THBS3: variants seen among roughly 807,000 people sequenced by gnomAD.
THBS3 encodes thrombospondin 3, also known as thrombospondin-3.
THBS3 carries 78 observed loss-of-function variants against 118.3 expected under a neutral mutation model. The observed-to-expected ratio is 0.66, with a 90% CI of 0.55 to 0.80. The LOEUF (loss-of-function observed/expected upper bound fraction) is 0.80, where lower values mean the gene tolerates loss of function less well. THBS3 is among the 30% of genes least tolerant of loss of function. THBS3 has a pLI of 0.00. For synonymous variants in THBS3, 427 were observed against 475.3 expected, an observed-to-expected ratio of 0.90 and a Z score of 1.32; for missense variants, 1,057 against 1,247.4, an observed-to-expected ratio of 0.85 and a Z score of 2.30.
intron 21 of THBS3, chr1:155,196,352 C>A: frequency 3.5e-6 from 2 of 569,380 alleles, no homozygotes; most frequent in Non-Finnish European, 6.2e-6. Context: ...CTCAAAGCAC[C>A]AGCCGCATTC....
chr1:155,208,711 G>A, upstream of THBS3: 3 of 619,174 alleles, frequency 4.8e-6, no homozygotes, highest in Non-Finnish European at 7.0e-6. Flanking sequence ...GCCCCAGCCC[G>A]GCCTCCGCTC....
chr1:155,209,159 G>C, upstream of THBS3: 1 of 1,503,408 alleles, frequency 6.7e-7, no homozygotes, highest in Non-Finnish European at 8.9e-7. Flanking sequence ...CCCCCTGACC[G>C]CAACGATCGG....
upstream of THBS3, chr1:155,208,582 G>A: frequency 7.6e-6 from 4 of 527,714 alleles, no homozygotes; most frequent in South Asian, 1.2e-4. Context: ...CCAAGGACCA[G>A]ACTGTGGAAC....
upstream of THBS3, chr1:155,207,999 G>C (rs1441093314): frequency 3.5e-4 from 171 of 482,332 alleles, 2 homozygotes; most frequent in South Asian, 3.1e-3. Context: ...AGGCGGGTGA[G>C]GGGGGGCTGA....
At chr1:155,209,072 G>T (rs1474630243), upstream of THBS3, 2 of 1,538,644 alleles carry the variant, frequency 1.3e-6, no homozygotes, top group African/African-American at 2.8e-5. Context: ...CTCCCCCGAG[G>T]CCCGCGGCCC....
chr1:155,200,781 C>A, intron 13 of THBS3, 116 bp downstream of exon 13: 5 of 1,589,564 alleles, frequency 3.1e-6, no homozygotes, highest in Non-Finnish European at 4.3e-6. Flanking sequence ...GTTTTTGCCT[C>A]CCTGATTTGG....
chr1:155,200,028 G>A lies in THBS3; in HGVS notation c.1794C>T (p.Cys598=), dbSNP rs748778389. The part of the protein sequence containing the change: ...DRDEDGVGDA[C]DSCPEMSNPT... ...GATTGCTCATTTCAGGGCAGCTGTC[G>A]CAAGCATCTCCCACCCCGTCCTCAT... is the stretch of plus-strand genomic sequence containing the variant. The change falls in exon 15 of 23, where the codon TGC becomes TGT. Residue 598 remains cysteine (C), a synonymous_variant. Transcript: ENST00000368378. 24 of 1,602,046 alleles carry A rather than the reference G, an allele frequency of 1.5e-5. No homozygotes were observed. Among genetic ancestry groups the A allele is most frequent in the Admixed American group, 3.4e-5 (2 of 58,714 alleles).
At chr1:155,200,230 G>A (rs189396332) in intron 14 of THBS3, 117 bp from the exon 15 acceptor site, 13 of 1,089,894 alleles carry the variant, frequency 1.2e-5, no homozygotes, top group Non-Finnish European at 1.7e-5. Context: ...CAGGAAATCT[G>A]CCTGTTTCTT....
Position 155,204,318 on chromosome 1 carries a change from G to A in THBS3, c.646+537C>T, listed in dbSNP as rs111452447. ...AAAGACTCGAGACCAGGCCGGGCGCGGTGGCTTACGCCTGTAATCCCAGCA... is the reference window on the plus strand; with the variant it reads ...AAAGACTCGAGACCAGGCCGGGCGCAGTGGCTTACGCCTGTAATCCCAGCA... On this transcript the variant is annotated intron_variant, in intron 4 of 22. Transcript: ENST00000368378. Among the ~76,000 whole-genome samples the A allele has an allele frequency of 9.9e-5, 15 of 152,176 alleles. 2 individuals carry two copies. Among genetic ancestry groups the A allele is most frequent in the African/African-American group, 2.6e-4 (11 of 41,512 alleles).
rs995109734 is a variant in THBS3, at chr1:155,197,149, G to A, written c.2564C>T (p.Thr855Ile). The A allele has an allele frequency of 3.1e-6, 5 of 1,614,092 alleles. No homozygotes were observed. The Admixed American group carries it at 5.0e-5, about 16-fold the overall frequency. The change falls in exon 21 of 23, where the codon ACC (threonine) becomes ATC (isoleucine). Residue 855 changes from threonine to isoleucine, a missense_variant. This residue lies in a region of THBS3 where 307 missense variants were observed against 326.1 expected (regional missense o/e 0.94). Coordinates refer to ENST00000368378, the MANE Select transcript of THBS3 (RefSeq NM_007112.5). The surrounding 1 kb of genome is among the most constrained non-coding windows in gnomAD (Gnocchi z 5.0). The part of the protein sequence containing the change: ...LRNALWHTGH[T>I]PDQVRLLWTD... ...CCACAGCAGTCGTACCTGATCAGGG[G>A]TGTGGCCAGTATGCCACAGGGCATT...
chr1:155,202,199 C>T lies in THBS3; in HGVS notation c.1098+62G>A. 1 of 1,595,954 alleles carries T rather than the reference C, an allele frequency of 6.3e-7. No individual in the cohort carries two copies. Among genetic ancestry groups the T allele is most frequent in the Non-Finnish European group, 8.6e-7 (1 of 1,169,524 alleles). On this transcript the variant is annotated intron_variant, in intron 9 of 22. Coordinates refer to ENST00000368378, the MANE Select transcript of THBS3 (RefSeq NM_007112.5). The surrounding 1 kb of genome is among the most constrained non-coding windows in gnomAD (Gnocchi z 5.5). ...TCATCACAAGGGTCCCATGTCCAAC[C>T]CAGAAGCCCCTGGCCTCTACAAGGC...
rs773318635 is a variant in THBS3 at position 155,204,822 on chromosome 1, G to T, written c.646+33C>A. 8.2e-6 allele frequency: 13 copies of T among 1,590,602 alleles called. No homozygotes were observed. The East Asian group carries it at 2.9e-4, about 36-fold the overall frequency. ...AGTCACCAAAGGCCACAGGATCCGT[G>T]GTCCAATGTCAGCAAACAAGTCTCT... is the stretch of plus-strand genomic sequence containing the variant. On this transcript the variant is annotated intron_variant, in intron 4 of 22. Coordinates refer to ENST00000368378, the MANE Select transcript of THBS3 (RefSeq NM_007112.5).
upstream of THBS3, chr1:155,208,611 C>T (rs1670875785): frequency 3.4e-6 from 2 of 596,212 alleles, no homozygotes; most frequent in Non-Finnish European, 2.8e-6. Flanking sequence ...TACTAGCGGA[C>T]GGGCCGTGAC....
chr1:155,196,077 T>C lies in THBS3; in HGVS notation c.2722A>G (p.Ile908Val). 6.2e-7 allele frequency: 1 copy of C among 1,614,158 alleles called. No homozygotes were observed. Among genetic ancestry groups the C allele is most frequent in the Non-Finnish European group, 8.5e-7 (1 of 1,180,032 alleles). Residue 908 changes from isoleucine to valine, a missense_variant, in exon 22 of 23, where the codon ATT (isoleucine) becomes GTT (valine). Ile to Val is a conservative substitution (Grantham distance 29, BLOSUM62 3). Around this residue, in one of 3 missense-constraint regions of THBS3, gnomAD observed 307 missense variants for 326.1 expected, o/e 0.94. Transcript: ENST00000368378. ...PQLVADSGVI[I>V]DTSMRGGRLG... ...CGCCCCCCTCGCATGGATGTGTCAATGATCACCCCAGAATCCGCCACAAGC... is the reference window on the plus strand; with the variant it reads ...CGCCCCCCTCGCATGGATGTGTCAACGATCACCCCAGAATCCGCCACAAGC...
At chr1:155,201,844 G>A (rs1268895213) in intron 10 of THBS3, 113 bp downstream of exon 10, 2 of 1,468,566 alleles carry the variant, frequency 1.4e-6, no homozygotes, top group Non-Finnish European at 1.9e-6. Flanking sequence ...CCTAATCTGT[G>A]TAGTGCCCTG....
rs772669775 is a variant in THBS3 at position 155,202,623 on chromosome 1, C to T, written c.957+189G>A. Among the ~76,000 whole-genome samples, 4 of 152,208 alleles carry T rather than the reference C, an allele frequency of 2.6e-5. No homozygotes were observed. Among genetic ancestry groups the T allele is most frequent in the Non-Finnish European group, 5.9e-5 (4 of 68,042 alleles). ...GCCTCCCCTGCAGTTTCCCCAGCTC[C>T]TTCCCTGTATGGCCTTCAGTCTTTG... is the stretch of plus-strand genomic sequence containing the variant. On this transcript the variant is annotated intron_variant, in intron 8 of 22. Coordinates refer to ENST00000368378, the MANE Select transcript of THBS3 (RefSeq NM_007112.5). This position sits in a 1 kb window ranked among gnomAD's most constrained non-coding sequence, Gnocchi z 5.5.
chr1:155,197,259 T>C lies in THBS3; in HGVS notation c.2500-46A>G, dbSNP rs765314313. Reference sequence around the variant, plus strand: ...CAGTGGGTCAACTGCAGAACTGGAGTGAGGGGAGACAACAGGTCGGTAAGT... The same window carrying C: ...CAGTGGGTCAACTGCAGAACTGGAGCGAGGGGAGACAACAGGTCGGTAAGT... On this transcript the variant is annotated intron_variant, in intron 20 of 22. Transcript: ENST00000368378. The surrounding 1 kb of genome is among the most constrained non-coding windows in gnomAD (Gnocchi z 5.0). The C allele has an allele frequency of 1.1e-5, 17 of 1,597,884 alleles. No homozygotes were observed. The African/African-American group carries it at 1.2e-4, about 11-fold the overall frequency.
chr1:155,196,853 G>A (rs773422448), intron 21 of THBS3, 188 bp downstream of exon 21: 25 of 608,058 alleles, frequency 4.1e-5, no homozygotes, highest in East Asian at 3.9e-4. Context: ...TTTTACAGAC[G>A]GGAAAATGGG....
In THBS3 at chr1:155,205,294, C is replaced by T. The variant is rs1311911998; in HGVS notation, c.309G>A (p.Glu103=). The T allele has an allele frequency of 3.1e-6, 5 of 1,613,986 alleles. No homozygotes were observed. Among genetic ancestry groups the T allele is most frequent in the Non-Finnish European group, 4.2e-6 (5 of 1,180,006 alleles). The change falls in exon 3 of 23, where the codon GAG becomes GAA. Residue 103 remains glutamate (E), a synonymous_variant. Coordinates refer to ENST00000368378, the MANE Select transcript of THBS3 (RefSeq NM_007112.5). ...INKVLVRYQR[E]DGKVHAVNLQ... Reference sequence around the variant, plus strand: ...GGTTCACGGCGTGGACTTTGCCATCCTCCCGCTGGTATCGCACCAGTACTG... The same window carrying T: ...GGTTCACGGCGTGGACTTTGCCATCTTCCCGCTGGTATCGCACCAGTACTG...
Sources: gnomAD v4.1 joint callset for allele counts (sites outside exome capture counted in the v4.1 genomes callset) on GRCh38, gnomAD v4.1.1 for gene constraint, gnomAD v4.1.1 regional missense constraint, Gnocchi (gnomAD v3.1) non-coding constraint, MANE v1.5 for transcripts, NCBI Gene and HGNC (gene_info 2026-07-23, HGNC 2026-07-21) for gene names.